Variants in CYFIP2 observed in about 807,000 individuals in gnomAD.
The protein encoded by CYFIP2 is cytoplasmic FMR1-interacting protein 2.
A neutral mutation model predicts 158.7 loss-of-function variants in CYFIP2; 29 were observed. That is an observed-to-expected ratio of 0.18 (90% CI 0.14 to 0.25). CYFIP2 has a LOEUF of 0.25. Among genes scored for constraint, CYFIP2 ranks in the 10% least tolerant of loss-of-function variants. The pLI, the probability that CYFIP2 is intolerant of heterozygous loss-of-function variation, is 1.00. For missense variants in CYFIP2, 852 were observed against 1,639.5 expected, an observed-to-expected ratio of 0.52 and a Z score of 8.29; for synonymous variants, 585 against 617.6, an observed-to-expected ratio of 0.95 and a Z score of 0.78.
intron 26 of CYFIP2, among the ~76,000 whole-genome samples, chr5:157,366,241 T>G (rs1764360545): frequency 6.6e-6 from 1 of 152,220 alleles, no homozygotes; most frequent in African/African-American, 2.4e-5. Context: ...ACACCATCTT[T>G]TGTGAAGTGC....
chr5:157,391,513 A>C (rs1379954905), intron 30 of CYFIP2, among the ~76,000 whole-genome samples: 1 of 152,190 alleles, frequency 6.6e-6, no homozygotes, highest in Non-Finnish European at 1.5e-5. Flanking sequence ...TACTCTAGGT[A>C]CCTCATATAA....
At chr5:157,315,208 C>A (rs752241898) in intron 13 of CYFIP2, 114 bp downstream of exon 13, 8 of 1,375,524 alleles carry the variant, frequency 5.8e-6, no homozygotes, top group African/African-American at 1.5e-5. Context: ...CGTGCTCTTC[C>A]CTGTCCTACC....
chr5:157,381,258 ATTTC>A (rs774862061), intron 26 of CYFIP2, among the ~76,000 whole-genome samples: 21 of 152,072 alleles, frequency 1.4e-4, no homozygotes, highest in Non-Finnish European at 2.1e-4. Context: ...ACTCCCACGA[ATTTC>A]TTTATTACTT....
intron 29 of CYFIP2, 107 bp from the exon 30 acceptor site, chr5:157,390,414 G>A: frequency 9.0e-7 from 1 of 1,108,702 alleles, no homozygotes; most frequent in Non-Finnish European, 1.3e-6. Context: ...TTGGCCCAAA[G>A]ACAGGCCTGC....
chr5:157,342,504 C>T, intron 23 of CYFIP2: 1 of 180,544 alleles, frequency 5.5e-6, no homozygotes, highest in Non-Finnish European at 1.1e-5. Context: ...TGAGAGCCTA[C>T]TTGTAACTCA....
At position 157,343,426 on chromosome 5, in the gene CYFIP2, G is replaced by T. The variant is rs190371059; in HGVS notation, c.2673+2269G>T. 8.7e-6 allele frequency: 14 copies of T among 1,614,202 alleles called. No homozygotes were observed. In the East Asian group the frequency reaches 3.1e-4, roughly 36 times the overall value. On this transcript the variant is annotated intron_variant, in intron 23 of 30. Coordinates refer to ENST00000620254, the MANE Select transcript of CYFIP2 (RefSeq NM_001037333.3). ...AGCGAAGATAGCCAGAGAAGATGCT[G>T]TTCCAGTTGGGCCTGTACATAATAT...
chr5:157,299,228 C>A (rs1226043836), intron 5 of CYFIP2, among the ~76,000 whole-genome samples: 1 of 152,002 alleles, frequency 6.6e-6, no homozygotes. Flanking sequence ...GGCCTCAGAA[C>A]CTCCCATGTC....
chr5:157,362,116 G>A (rs1036780743), intron 26 of CYFIP2, among the ~76,000 whole-genome samples: 3 of 152,230 alleles, frequency 2.0e-5, no homozygotes, highest in African/African-American at 4.8e-5. Context: ...TATAGTCATA[G>A]GTAGATTTCA....
chr5:157,345,934 C>T (rs1404448232), intron 23 of CYFIP2, among the ~76,000 whole-genome samples: 1 of 152,192 alleles, frequency 6.6e-6, no homozygotes. Flanking sequence ...CATCTAGATC[C>T]TCTTTGGCCA....
At chr5:157,386,738 G>A (rs922942550) in intron 28 of CYFIP2, among the ~76,000 whole-genome samples, 1 of 152,104 alleles carries the variant, frequency 6.6e-6, no homozygotes, top group African/African-American at 2.4e-5. Flanking sequence ...TGGCCAACGT[G>A]GTGAAACCCC....
intron 2 of CYFIP2, among the ~76,000 whole-genome samples, chr5:157,286,618 A>G (rs1757415245): frequency 6.6e-6 from 1 of 150,918 alleles, no homozygotes; most frequent in Admixed American, 6.6e-5. Flanking sequence ...GGTTGTTTAC[A>G]GTTTGTTTTA....
intron 1 of CYFIP2, among the ~76,000 whole-genome samples, chr5:157,277,637 G>A (rs2113822771): frequency 6.6e-6 from 1 of 152,316 alleles, no homozygotes; most frequent in Admixed American, 6.5e-5. Context: ...ACTCCAGAGA[G>A]GGCATGTTAT....
chr5:157,345,312 T>A (rs1259713081), intron 23 of CYFIP2: 1 of 152,564 alleles, frequency 6.6e-6, no homozygotes, highest in Non-Finnish European at 1.5e-5. Flanking sequence ...ACTAGCTGTC[T>A]GTACAGATGG....
At chr5:157,284,001 G>A (rs959456963) in intron 1 of CYFIP2, among the ~76,000 whole-genome samples, 3 of 152,148 alleles carry the variant, frequency 2.0e-5, no homozygotes, top group African/African-American at 7.2e-5. Flanking sequence ...AAGCACAGTG[G>A]CCCTTCTCTT....
rs1760951854 is a variant in CYFIP2, at chr5:157,325,475, C to CT, written c.1826-4dup. On this transcript the variant is annotated splice_region_variant and splice_polypyrimidine_tract_variant and intron_variant, in intron 16 of 30. Coordinates refer to ENST00000620254, the MANE Select transcript of CYFIP2 (RefSeq NM_001037333.3). ...GTAACCAAAGGCTCGTTCCCTTATGCTTTCAGAAGCCCTGCAGCAGTGTTG... is the reference window on the plus strand; with the variant it reads ...GTAACCAAAGGCTCGTTCCCTTATGCTTTTCAGAAGCCCTGCAGCAGTGTTG... 6.3e-7 allele frequency: 1 copy of CT among 1,598,612 alleles called. No individual in the cohort carries two copies. Among genetic ancestry groups the CT allele is most frequent in the Non-Finnish European group, 8.5e-7 (1 of 1,173,858 alleles).
At chr5:157,364,148 G>C (rs1284006591) in intron 26 of CYFIP2, 2 of 128,490 alleles carry the variant, frequency 1.6e-5, no homozygotes, top group Non-Finnish European at 3.1e-5. Flanking sequence ...GGGATAAATA[G>C]GAACAACTTC....
intron 15 of CYFIP2, chr5:157,322,931 C>G: frequency 6.5e-7 from 1 of 1,535,608 alleles, no homozygotes; most frequent in Non-Finnish European, 8.7e-7. Flanking sequence ...TCTCTCCTAT[C>G]TATGTCTTAG....
intron 8 of CYFIP2, among the ~76,000 whole-genome samples, chr5:157,307,178 G>A (rs559926169): frequency 1.3e-5 from 2 of 152,260 alleles, no homozygotes; most frequent in South Asian, 4.1e-4. Flanking sequence ...GCGGCTCCTT[G>A]GAAACATTTA....
At chr5:157,289,668 T>C (rs1757670248) in intron 3 of CYFIP2, among the ~76,000 whole-genome samples, 1 of 152,212 alleles carries the variant, frequency 6.6e-6, no homozygotes, top group Non-Finnish European at 1.5e-5. Flanking sequence ...CCCTCTCTAA[T>C]GGCCTCATTT....
Sources: allele counts gnomAD v4.1 joint callset (sites outside exome capture counted in the v4.1 genomes callset), GRCh38; gene constraint gnomAD v4.1.1; transcripts MANE v1.5; gene names NCBI Gene and HGNC (gene_info 2026-07-23, HGNC 2026-07-21).